ZFHX3: variants seen among roughly 807,000 people sequenced by gnomAD.
ZFHX3 encodes zinc finger homeobox protein 3.
ZFHX3 carries 42 observed loss-of-function variants against 279.1 expected under a neutral mutation model. The observed-to-expected ratio is 0.15, with a 90% confidence interval of 0.12 to 0.19. ZFHX3 has a LOEUF of 0.19. ZFHX3 is among the 10% of genes least tolerant of loss of function. The pLI is 1.00. For synonymous variants in ZFHX3, 2,293 were observed against 1,957.8 expected, an observed-to-expected ratio of 1.17 and a Z score of -4.52; for missense variants, 4,981 against 4,754.0, an observed-to-expected ratio of 1.05 and a Z score of -1.40.
At chr16:73,591,712 A>AAAG (rs2052000803) in intron 2 of ZFHX3, among the ~76,000 whole-genome samples, 1 of 147,522 alleles carries the variant, frequency 6.8e-6, no homozygotes, top group East Asian at 2.0e-4. Context: ...AAAAAAAAAA[A>AAAG]AAAAAAGAAA....
In ZFHX3 at chr16:73,021,212, C is replaced by T. The variant is rs191407462; in HGVS notation, c.-50+26540G>A. On this transcript the variant is annotated intron_variant, in intron 1 of 9. Coordinates refer to ENST00000268489, the MANE Select transcript of ZFHX3 (RefSeq NM_006885.4). ...GAAAGACTGAAGGGGTTTAGAGCAG[C>T]GAGGAAAGACAATCGAGGAAACGGG... Among the ~76,000 whole-genome samples, 50 of 152,208 alleles carry T rather than the reference C, an allele frequency of 3.3e-4. 1 individual carries two copies. Among genetic ancestry groups the T allele is most frequent in the Non-Finnish European group, 3.4e-4 (23 of 67,996 alleles).
intron 3 of ZFHX3, among the ~76,000 whole-genome samples, chr16:72,948,088 C>T (rs370894766): frequency 2.0e-5 from 3 of 152,206 alleles, no homozygotes; most frequent in East Asian, 3.9e-4. Flanking sequence ...ACTGGAATGA[C>T]AATCCCAGCG....
intron 4 of ZFHX3, among the ~76,000 whole-genome samples, chr16:73,267,464 G>A (rs1269092475): frequency 6.6e-6 from 1 of 152,146 alleles, no homozygotes; most frequent in Non-Finnish European, 1.5e-5. Context: ...TGACTAACCA[G>A]GCTCAGATCT....
intron 2 of ZFHX3, among the ~76,000 whole-genome samples, chr16:73,665,890 A>T (rs2142179745): frequency 7.2e-6 from 1 of 139,218 alleles, no homozygotes; most frequent in African/African-American, 2.8e-5. Context: ...GCCCAGGCTC[A>T]CTGCAAGGTC....
chr16:73,703,968 T>A (rs900773988), intron 1 of ZFHX3, among the ~76,000 whole-genome samples: 1 of 152,208 alleles, frequency 6.6e-6, no homozygotes, highest in African/African-American at 2.4e-5. Context: ...CACGCCCACC[T>A]ATACTTCAAA....
At position 73,577,994 on chromosome 16, in the gene ZFHX3, G is replaced by A. The variant is rs530558427; in HGVS notation, c.-1547+102186C>T. 3.0e-4 allele frequency among the ~76,000 whole-genome samples: 46 copies of A among 152,290 alleles called. 1 individual carries two copies. In the South Asian group the frequency reaches 7.9e-3, roughly 26 times the overall value. On this transcript the variant is annotated intron_variant, in intron 2 of 17. Transcript: ENST00000641206. ...TCTAATGTTGAGCTTGCTGACTGACGTCAATCACTCCGGCCAAACTGGTTG... is the reference window on the plus strand; with the variant it reads ...TCTAATGTTGAGCTTGCTGACTGACATCAATCACTCCGGCCAAACTGGTTG...
intron 1 of ZFHX3, among the ~76,000 whole-genome samples, chr16:73,840,221 G>A (rs1016682399): frequency 1.3e-5 from 2 of 152,084 alleles, no homozygotes; most frequent in African/African-American, 4.8e-5. Context: ...GGTAAGATGG[G>A]GAGAAAGGAA....
chr16:73,017,179 G>A (rs1268428192), intron 1 of ZFHX3, among the ~76,000 whole-genome samples: 3 of 151,476 alleles, frequency 2.0e-5, no homozygotes, highest in Non-Finnish European at 4.4e-5. Context: ...GCTGCATGGA[G>A]CTGTGATTGT....
intron 1 of ZFHX3, among the ~76,000 whole-genome samples, chr16:73,706,175 T>C (rs2053300939): frequency 6.6e-6 from 1 of 151,584 alleles, no homozygotes; most frequent in Non-Finnish European, 1.5e-5. Flanking sequence ...AAGAAAGAAA[T>C]CGTTGTTGGG....
At chr16:73,365,984 C>A (rs904158536) in intron 3 of ZFHX3, among the ~76,000 whole-genome samples, 1 of 152,054 alleles carries the variant, frequency 6.6e-6, no homozygotes, top group Non-Finnish European at 1.5e-5. Flanking sequence ...CAAGAGAAAA[C>A]AAAAAGGAAT....
chr16:73,477,110 A>G (rs2018778253), intron 2 of ZFHX3, among the ~76,000 whole-genome samples: 1 of 152,234 alleles, frequency 6.6e-6, no homozygotes, highest in Non-Finnish European at 1.5e-5. Flanking sequence ...ATTTGATAAC[A>G]ATGAAAAATC....
chr16:73,589,874 A>G (rs978803672), intron 2 of ZFHX3, among the ~76,000 whole-genome samples: 2 of 152,088 alleles, frequency 1.3e-5, no homozygotes, highest in African/African-American at 4.8e-5. Context: ...AAAATGAAAC[A>G]AGGGACGCTA....
At chr16:73,042,252 G>A (rs79069815) in intron 1 of ZFHX3, among the ~76,000 whole-genome samples, 1,522 of 152,186 alleles carry the variant, frequency 0.01, 27 homozygotes, top group African/African-American at 0.035. Context: ...TTCTGCACTC[G>A]GCTAATCTGC....
At chr16:73,789,024 A>T (rs1959745147) in intron 1 of ZFHX3, among the ~76,000 whole-genome samples, 1 of 150,660 alleles carries the variant, frequency 6.6e-6, no homozygotes. Context: ...TATTCCAGAC[A>T]TCAGTGTGTT....
intron 4 of ZFHX3, among the ~76,000 whole-genome samples, chr16:72,877,696 TG>T (rs2038351774): frequency 6.6e-6 from 1 of 152,232 alleles, no homozygotes. Context: ...TTCTGATCCC[TG>T]GGCTAAAACA....
chr16:73,604,939 T>C (rs2052162618), intron 2 of ZFHX3, among the ~76,000 whole-genome samples: 1 of 152,090 alleles, frequency 6.6e-6, no homozygotes, highest in Non-Finnish European at 1.5e-5. Flanking sequence ...ACCTATGTGT[T>C]TTCTGTTCTT....
chr16:73,247,018 G>C (rs73601377), intron 5 of ZFHX3, among the ~76,000 whole-genome samples: 4 of 151,956 alleles, frequency 2.6e-5, no homozygotes, highest in Non-Finnish European at 5.9e-5. Flanking sequence ...GCCTATATGC[G>C]TGTGTGTATA....
intron 4 of ZFHX3, among the ~76,000 whole-genome samples, chr16:73,269,321 C>T (rs993405632): frequency 3.3e-5 from 5 of 152,156 alleles, no homozygotes; most frequent in African/African-American, 1.2e-4. Context: ...GTTTGTTTCT[C>T]GTCAGTTACC....
chr16:73,200,039 T>C (rs57760649), intron 5 of ZFHX3, among the ~76,000 whole-genome samples: 1 of 151,952 alleles, frequency 6.6e-6, no homozygotes, highest in Non-Finnish European at 1.5e-5. Context: ...AGGTTCCACA[T>C]GGAAAAAAGA....
Sources: allele counts gnomAD v4.1 joint callset (sites outside exome capture counted in the v4.1 genomes callset), GRCh38; gene constraint gnomAD v4.1.1; transcripts MANE v1.5; gene names NCBI Gene and HGNC (gene_info 2026-07-23, HGNC 2026-07-21).